Variants in PTPRM observed in about 807,000 individuals in gnomAD.
The protein encoded by PTPRM is protein tyrosine phosphatase receptor type M, also known as receptor-type tyrosine-protein phosphatase mu.
Under a neutral mutation model 186.7 loss-of-function variants are expected in PTPRM, and 47 were observed. That is an observed-to-expected ratio of 0.25 (90% CI 0.20 to 0.32). PTPRM has a LOEUF of 0.32. Among genes scored for constraint, PTPRM ranks in the 10% least tolerant of loss-of-function variants. PTPRM has a pLI of 1.00. For synonymous variants in PTPRM, 668 were observed against 674.9 expected, an observed-to-expected ratio of 0.99 and a Z score of 0.16; for missense variants, 1,494 against 1,865.0, an observed-to-expected ratio of 0.80 and a Z score of 3.66.
Position 8,114,407 on chromosome 18 carries a change from G to A in PTPRM, c.2131-384G>A, listed in dbSNP as rs1360845947. On this transcript the variant is annotated intron_variant, in intron 12 of 32. Transcript: ENST00000580170. ...CCTTCGCAGCATAGGTCTAGGTATC[G>A]TGGTCAACTTGACTTTTGCCGGTGT... Among the ~76,000 whole-genome samples, 5 of 152,068 alleles carry A rather than the reference G, an allele frequency of 3.3e-5. No individual in the cohort carries two copies. The East Asian group carries it at 9.6e-4, about 29-fold the overall frequency.
At chr18:8,206,080 C>T (rs899757975) in intron 14 of PTPRM, among the ~76,000 whole-genome samples, 24 of 151,030 alleles carry the variant, frequency 1.6e-4, no homozygotes, top group Admixed American at 1.3e-3. Flanking sequence ...TGGAGTTGAG[C>T]GAAAAGAGAG....
intron 23 of PTPRM, among the ~76,000 whole-genome samples, chr18:8,345,020 C>T (rs62085041): frequency 0.07 from 10,668 of 152,040 alleles, 407 homozygotes; most frequent in South Asian, 0.1. Flanking sequence ...TAAAGCACTT[C>T]GGCCAACTCC....
intron 2 of PTPRM, among the ~76,000 whole-genome samples, chr18:7,819,353 A>G (rs1355039713): frequency 6.6e-6 from 1 of 152,272 alleles, no homozygotes; most frequent in East Asian, 1.9e-4. Flanking sequence ...AGAGGAACAC[A>G]TTGGCGGAAG....
At chr18:8,295,412 G>T (rs1221532225) in intron 19 of PTPRM, among the ~76,000 whole-genome samples, 1 of 99,164 alleles carries the variant, frequency 1.0e-5, no homozygotes, top group Non-Finnish European at 2.1e-5. Flanking sequence ...GGAGAGAACT[G>T]AGAGAACTTG....
intron 11 of PTPRM, among the ~76,000 whole-genome samples, chr18:8,108,769 A>G (rs921956183): frequency 3.9e-5 from 6 of 152,224 alleles, no homozygotes; most frequent in Admixed American, 3.9e-4. Context: ...TCCATAGGAA[A>G]GTTCTGATAT....
intron 22 of PTPRM, among the ~76,000 whole-genome samples, chr18:8,331,130 C>T (rs1427478578): frequency 2.6e-5 from 4 of 152,112 alleles, no homozygotes; most frequent in Admixed American, 1.3e-4. Flanking sequence ...ACAGTGGTAC[C>T]ACTGCAACCT....
chr18:8,027,592 A>T (rs912247444), intron 7 of PTPRM, among the ~76,000 whole-genome samples: 1 of 152,216 alleles, frequency 6.6e-6, no homozygotes, highest in Admixed American at 6.5e-5. Context: ...GTACTTGTTT[A>T]TCAGTCAGAT....
At chr18:8,352,652 G>GTTTTTTTTTTTTTTTTTTTTTT (rs142090056) in intron 23 of PTPRM, among the ~76,000 whole-genome samples, 13 of 102,226 alleles carry the variant, frequency 1.3e-4, no homozygotes, top group Non-Finnish European at 2.4e-4. Flanking sequence ...TTTTTGGTTT[G>GTTTTTTTTTTTTTTTTTTTTTT]GTTTTTTTTG....
intron 1 of PTPRM, among the ~76,000 whole-genome samples, chr18:7,624,016 A>T (rs2038001526): frequency 6.6e-6 from 1 of 152,152 alleles, no homozygotes; most frequent in Non-Finnish European, 1.5e-5. Context: ...ATGATGAAAC[A>T]TACTGGCCAG....
chr18:8,405,447 C>T (rs74840234), intron 32 of PTPRM, among the ~76,000 whole-genome samples: 20 of 152,330 alleles, frequency 1.3e-4, no homozygotes, highest in Middle Eastern at 3.4e-3. Flanking sequence ...GCATCAGTTC[C>T]GTCCTCTGGG....
At chr18:7,985,030 TATAA>T (rs2082829353) in intron 7 of PTPRM, among the ~76,000 whole-genome samples, 1 of 124,864 alleles carries the variant, frequency 8.0e-6, no homozygotes, top group Non-Finnish European at 1.6e-5. Context: ...TATATACATA[TATAA>T]ATATATACAT....
chr18:7,835,408 T>C (rs1000734103), intron 2 of PTPRM, among the ~76,000 whole-genome samples: 2 of 152,138 alleles, frequency 1.3e-5, no homozygotes, highest in Non-Finnish European at 2.9e-5. Context: ...CCTCTTGTTA[T>C]TGATTTCTTT....
At chr18:8,331,124 TG>T (rs2095410160) in intron 22 of PTPRM, among the ~76,000 whole-genome samples, 1 of 152,160 alleles carries the variant, frequency 6.6e-6, no homozygotes, top group Non-Finnish European at 1.5e-5. Context: ...CTTTTCACAG[TG>T]GTACCACTGC....
chr18:7,628,463 A>C (rs6506521), intron 1 of PTPRM, among the ~76,000 whole-genome samples: 16,495 of 152,190 alleles, frequency 0.11, 1,718 homozygotes, highest in African/African-American at 0.27. Flanking sequence ...TCATACAAAA[A>C]CGTGATTGTA....
At chr18:8,193,996 T>C (rs2093742396) in intron 14 of PTPRM, among the ~76,000 whole-genome samples, 1 of 152,360 alleles carries the variant, frequency 6.6e-6, no homozygotes, top group African/African-American at 2.4e-5. Context: ...TTGACTGTTT[T>C]ATCTTCGTGA....
intron 1 of PTPRM, among the ~76,000 whole-genome samples, chr18:7,612,776 G>A (rs1243436014): frequency 1.3e-5 from 2 of 152,160 alleles, no homozygotes; most frequent in Non-Finnish European, 2.9e-5. Flanking sequence ...TTCAGGGAAG[G>A]TGTAATTTCT....
At chr18:8,073,537 T>A (rs1186564945) in intron 8 of PTPRM, among the ~76,000 whole-genome samples, 1 of 152,210 alleles carries the variant, frequency 6.6e-6, no homozygotes, top group Non-Finnish European at 1.5e-5. Context: ...TTCAATGTAG[T>A]CGTATATAAA....
intron 1 of PTPRM, among the ~76,000 whole-genome samples, chr18:7,729,921 T>C (rs982579353): frequency 2.6e-5 from 4 of 152,194 alleles, no homozygotes; most frequent in Admixed American, 6.5e-5. Context: ...GTATTCATGA[T>C]TGAAAAATAT....
chr18:8,300,225 C>T (rs562440268), intron 20 of PTPRM, among the ~76,000 whole-genome samples: 1 of 152,200 alleles, frequency 6.6e-6, no homozygotes, highest in East Asian at 1.9e-4. Flanking sequence ...GAGTGGCAGA[C>T]TAATCAGGAA....
Sources: allele counts gnomAD v4.1 joint callset (sites outside exome capture counted in the v4.1 genomes callset), GRCh38; gene constraint gnomAD v4.1.1; transcripts MANE v1.5; gene names NCBI Gene and HGNC (gene_info 2026-07-23, HGNC 2026-07-21).